The following PLD1 variants were observed in gnomAD, a reference collection of about 807,000 sequenced individuals.
PLD1 encodes the protein choline phosphatase 1.
A neutral mutation model predicts 137.1 loss-of-function variants in PLD1; 112 were observed. That is an observed-to-expected ratio of 0.82 (90% CI 0.70 to 0.96). The LOEUF is 0.96. Ranked by LOEUF, PLD1 falls within the 40% of genes least tolerant of loss-of-function variation. PLD1 has a pLI of 0.00. For synonymous variants in PLD1, 431 were observed against 454.7 expected (o/e 0.95, Z 0.66); for missense variants, 1,321 against 1,342.0 (o/e 0.98, Z 0.24).
Position 171,647,291 on chromosome 3 carries a change from A to G in PLD1, c.2430-2268T>C, listed in dbSNP as rs184637027. The stretch of plus-strand genomic sequence containing the variant: ...TGGTAGAGAAGAGGTTAAGCTGAAC[A>G]GGAATTTTTTCCTTTAAATTAAATT... On this transcript the variant is annotated intron_variant, in intron 21 of 26. Coordinates refer to ENST00000351298, the MANE Select transcript of PLD1 (RefSeq NM_002662.5). 3.3e-5 allele frequency among the ~76,000 whole-genome samples: 5 copies of G among 152,324 alleles called. No homozygotes were observed. The East Asian group carries it at 9.6e-4, about 29-fold the overall frequency.
At chr3:171,683,869 GT>G (rs1714263225) in intron 16 of PLD1, among the ~76,000 whole-genome samples, 1 of 152,100 alleles carries the variant, frequency 6.6e-6, no homozygotes, top group Non-Finnish European at 1.5e-5. Context: ...AATCTTCTAT[GT>G]TTATTTTTGT....
intron 25 of PLD1, among the ~76,000 whole-genome samples, chr3:171,611,141 G>T (rs549791684): frequency 6.6e-6 from 1 of 152,140 alleles, no homozygotes; most frequent in Admixed American, 6.5e-5. Flanking sequence ...TAACTATATC[G>T]GGGCCACCTG....
In PLD1 at chr3:171,719,002, A is replaced by C. The variant is rs141514888; in HGVS notation, c.759-4957T>G. 2.2e-3 allele frequency among the ~76,000 whole-genome samples: 340 copies of C among 152,248 alleles called. 3 individuals are homozygous for C. The highest frequency in any genetic ancestry group is 7.9e-3 in the African/African-American group (328 of 41,540). ...ATGGCATTCAAATGCAGATAAGCCC[A>C]CTTGAGCCAGCCCTCCCCTTCTCAG... On this transcript the variant is annotated intron_variant, in intron 8 of 26. Transcript: ENST00000351298.
chr3:171,628,188 G>A (rs887354334), intron 23 of PLD1, among the ~76,000 whole-genome samples: 4 of 152,136 alleles, frequency 2.6e-5, no homozygotes, highest in African/African-American at 9.7e-5. Context: ...TATCACCATC[G>A]ATCCCACAGA....
intron 26 of PLD1, among the ~76,000 whole-genome samples, chr3:171,604,317 TAAAAA>T (rs113679565): frequency 8.4e-6 from 1 of 118,600 alleles, no homozygotes; most frequent in East Asian, 2.4e-4. Flanking sequence ...CCATGTCAAT[TAAAAA>T]AAAAAAAAAA....
At chr3:171,639,573 A>AT (rs1290537670) in intron 23 of PLD1, among the ~76,000 whole-genome samples, 2 of 92,020 alleles carry the variant, frequency 2.2e-5, no homozygotes, top group East Asian at 2.7e-4. Context: ...TATTATATAT[A>AT]ATATATATTC....
intron 16 of PLD1, among the ~76,000 whole-genome samples, chr3:171,686,039 G>A (rs1038519304): frequency 2.7e-5 from 4 of 150,250 alleles, no homozygotes; most frequent in African/African-American, 7.4e-5. Context: ...CAGGAGAATC[G>A]CTAAAACCTG....
chr3:171,803,098 G>A (rs907415730), intron 1 of PLD1, among the ~76,000 whole-genome samples: 1 of 152,186 alleles, frequency 6.6e-6, no homozygotes, highest in South Asian at 2.1e-4. Context: ...CCAGACTTTG[G>A]AACTACTGTG....
chr3:171,610,551 C>A (rs1732568474), intron 25 of PLD1, among the ~76,000 whole-genome samples: 1 of 152,118 alleles, frequency 6.6e-6, no homozygotes, highest in Admixed American at 6.5e-5. Context: ...AAAACCTCTA[C>A]CTTCTATAAT....
chr3:171,601,944 T>C lies in PLD1; in HGVS notation c.*1134A>G, dbSNP rs1441826424. On this transcript the variant is annotated 3_prime_UTR_variant, in exon 27 of 27. Coordinates refer to ENST00000351298, the MANE Select transcript of PLD1 (RefSeq NM_002662.5). ...TGGAAGCCCTGGTGAGAGGCGTTAATACATATTTAATAATGTAAGTGAAGT... is the reference window on the plus strand; with the variant it reads ...TGGAAGCCCTGGTGAGAGGCGTTAACACATATTTAATAATGTAAGTGAAGT... 3.3e-5 allele frequency: 5 copies of C among 152,354 alleles called. No individual in the cohort carries two copies. The highest frequency in any genetic ancestry group is 1.2e-4 in the African/African-American group (5 of 41,582). 9.4% of individuals were successfully genotyped at this position (152,354 alleles called of 1,614,324 possible).
intron 12 of PLD1, among the ~76,000 whole-genome samples, chr3:171,693,375 A>T (rs1715387724): frequency 6.6e-6 from 1 of 152,086 alleles, no homozygotes; most frequent in African/African-American, 2.4e-5. Context: ...GTATAGAAAA[A>T]CACTGGTATT....
At chr3:171,705,949 G>A (rs1314998228) in intron 11 of PLD1, among the ~76,000 whole-genome samples, 1 of 152,122 alleles carries the variant, frequency 6.6e-6, no homozygotes, top group East Asian at 1.9e-4. Flanking sequence ...AAAAAAATAT[G>A]CTTCAGAGAC....
At chr3:171,777,430 C>T (rs952655686) in intron 1 of PLD1, among the ~76,000 whole-genome samples, 31 of 152,164 alleles carry the variant, frequency 2.0e-4, no homozygotes, top group Non-Finnish European at 4.3e-4. Context: ...GGAACAAGCC[C>T]TTGATGATTT....
At chr3:171,759,387 T>G (rs552440493) in intron 1 of PLD1, among the ~76,000 whole-genome samples, 1 of 152,226 alleles carries the variant, frequency 6.6e-6, no homozygotes, top group Non-Finnish European at 1.5e-5. Flanking sequence ...GATACTAATT[T>G]TTTTCCTTTT....
At chr3:171,626,979 T>A (rs1734170049) in intron 23 of PLD1, among the ~76,000 whole-genome samples, 1 of 152,158 alleles carries the variant, frequency 6.6e-6, no homozygotes, top group Admixed American at 6.5e-5. Flanking sequence ...GCTAACATCA[T>A]AATGACAGGA....
intron 1 of PLD1, among the ~76,000 whole-genome samples, chr3:171,748,232 TTAA>T (rs1720396304): frequency 6.6e-6 from 1 of 152,242 alleles, no homozygotes; most frequent in Admixed American, 6.5e-5. Context: ...TCAAAGCCTG[TTAA>T]TAAGTTTATT....
intron 21 of PLD1, 123 bp from the exon 22 acceptor site, chr3:171,645,146 G>A: frequency 1.5e-6 from 1 of 688,136 alleles, no homozygotes; most frequent in Non-Finnish European, 2.7e-6. Flanking sequence ...AACACGTTCT[G>A]TCACATTTCA....
intron 25 of PLD1, among the ~76,000 whole-genome samples, chr3:171,610,074 A>G (rs1414852473): frequency 6.6e-6 from 1 of 152,228 alleles, no homozygotes; most frequent in African/African-American, 2.4e-5. Context: ...TGAAGATTAA[A>G]TAAACTCAGT....
intron 24 of PLD1, among the ~76,000 whole-genome samples, chr3:171,620,131 G>T (rs1733464167): frequency 6.6e-6 from 1 of 152,136 alleles, no homozygotes; most frequent in Admixed American, 6.5e-5. Flanking sequence ...TGATGTGATT[G>T]TTATACATTG....
Sources: gnomAD v4.1 joint callset for allele counts (sites outside exome capture counted in the v4.1 genomes callset) on GRCh38, gnomAD v4.1.1 for gene constraint, MANE v1.5 for transcripts, NCBI Gene and HGNC (gene_info 2026-07-23, HGNC 2026-07-21) for gene names.